The following USP10 variants were observed in gnomAD, a reference collection of about 807,000 sequenced individuals.
The protein encoded by USP10 is ubiquitin specific peptidase 10, also known as ubiquitin carboxyl-terminal hydrolase 10.
USP10 carries 22 observed loss-of-function variants against 84.5 expected under a neutral mutation model. The observed-to-expected ratio is 0.26, with a 90% CI of 0.19 to 0.37. The LOEUF is 0.37. Ranked by LOEUF, USP10 falls within the 10% of genes least tolerant of loss-of-function variation. The probability of loss-of-function intolerance (pLI) is 1.00; values close to 1 mark genes in which losing one functional copy is unlikely to be tolerated. For missense variants in USP10, 1,019 were observed against 998.9 expected, an observed-to-expected ratio of 1.02 and a Z score of -0.27; for synonymous variants, 454 against 387.6, an observed-to-expected ratio of 1.17 and a Z score of -2.01.
chr16:84,772,828 T>C (rs1209338130), intron 12 of USP10, 143 bp downstream of exon 12: 2 of 1,102,910 alleles, frequency 1.8e-6, no homozygotes, highest in Non-Finnish European at 2.5e-6. Context: ...TCTTGACTTG[T>C]AATAGACCTT....
intron 1 of USP10, among the ~76,000 whole-genome samples, chr16:84,713,152 T>C (rs975443188): frequency 3.3e-5 from 5 of 152,214 alleles, no homozygotes; most frequent in African/African-American, 9.6e-5. Flanking sequence ...TCCCCCACCT[T>C]TGTGACCTTA....
At chr16:84,734,476 A>C (rs1909639716) in intron 2 of USP10, among the ~76,000 whole-genome samples, 1 of 152,180 alleles carries the variant, frequency 6.6e-6, no homozygotes, top group South Asian at 2.1e-4. Context: ...TTTTAAATCA[A>C]GTAGCTTGTC....
intron 2 of USP10, among the ~76,000 whole-genome samples, chr16:84,734,144 G>A (rs1597328823): frequency 6.6e-6 from 1 of 152,150 alleles, no homozygotes; most frequent in African/African-American, 2.4e-5. Context: ...CCTGGGAATG[G>A]AATTACTGGG....
At chr16:84,747,376 C>T (rs745481637) in intron 4 of USP10, among the ~76,000 whole-genome samples, 3 of 152,134 alleles carry the variant, frequency 2.0e-5, no homozygotes, top group African/African-American at 4.8e-5. Context: ...AAAACACATT[C>T]TTTGGGTGGC....
intron 13 of USP10, among the ~76,000 whole-genome samples, chr16:84,778,122 G>A (rs1250932554): frequency 1.4e-5 from 1 of 73,902 alleles, no homozygotes; most frequent in Non-Finnish European, 3.5e-5. Context: ...TGTGTGTTTT[G>A]TTCTGTTAAA....
chr16:84,714,576 T>A (rs1906753949), intron 1 of USP10, among the ~76,000 whole-genome samples: 1 of 152,200 alleles, frequency 6.6e-6, no homozygotes, highest in African/African-American at 2.4e-5. Flanking sequence ...AACTTAATCT[T>A]CAGCATTGTT....
rs1914866324 is a variant in USP10 at position 84,775,154 on chromosome 16, T to G, written c.2144-6T>G. On this transcript the variant is annotated splice_region_variant and splice_polypyrimidine_tract_variant and intron_variant, in intron 12 of 13. Transcript: ENST00000219473. ...TGCTTCAAGCCATTGATATTTTGTTTTCCAGAACTGCTTTCTCCAGGGGTT... is the reference window on the plus strand; with the variant it reads ...TGCTTCAAGCCATTGATATTTTGTTGTCCAGAACTGCTTTCTCCAGGGGTT... The G allele has an allele frequency of 6.2e-7, 1 of 1,613,494 alleles. No individual in the cohort carries two copies. Among genetic ancestry groups the G allele is most frequent in the African/African-American group, 1.3e-5 (1 of 74,928 alleles).
chr16:84,721,863 A>G (rs967207875), intron 1 of USP10, among the ~76,000 whole-genome samples: 3 of 152,154 alleles, frequency 2.0e-5, no homozygotes, highest in Non-Finnish European at 2.9e-5. Context: ...ACACCTGGCT[A>G]ATTTTTTGTG....
rs199654727 is a variant in USP10 at position 84,745,637 on chromosome 16, C to A, written c.1156C>A (p.Pro386Thr). 4.7e-4 allele frequency: 752 copies of A among 1,612,904 alleles called. No homozygotes were observed. Among genetic ancestry groups the A allele is most frequent in the Non-Finnish European group, 5.9e-4 (696 of 1,179,536 alleles). Residue 386 changes from proline to threonine, a missense_variant, in exon 4 of 14, where the codon CCG becomes ACG. Physicochemically the swap from Pro to Thr is conservative, Grantham distance 38 (BLOSUM62 -1). Around this residue, in one of 2 missense-constraint regions of USP10, gnomAD observed 787 missense variants for 708.8 expected, o/e 1.11. Coordinates refer to ENST00000219473, the MANE Select transcript of USP10 (RefSeq NM_005153.3). The part of the protein sequence containing the change: ...KQVEVKEGLV[P>T]VSEDPVAIKI... ...GGTTGAAGTCAAAGAAGGGCTTGTT[C>A]CGGTTTCAGAGGATCCTGTAGCCAT...
At chr16:84,752,220 A>G (rs577664229) in intron 4 of USP10, among the ~76,000 whole-genome samples, 7 of 152,108 alleles carry the variant, frequency 4.6e-5, no homozygotes, top group African/African-American at 7.2e-5. Flanking sequence ...AGCCCCACCA[A>G]CTCCTGTGAC....
At chr16:84,762,921 A>G (rs895565018) in intron 8 of USP10, 68 bp from the exon 9 acceptor site, 1 of 923,256 alleles carries the variant, frequency 1.1e-6, no homozygotes, top group Non-Finnish European at 1.7e-6. Context: ...CTTTGCAAGT[A>G]CTGCATGTCC....
chr16:84,712,443 A>C (rs911678904), intron 1 of USP10, among the ~76,000 whole-genome samples: 3 of 152,200 alleles, frequency 2.0e-5, no homozygotes, highest in East Asian at 3.9e-4. Context: ...TGCCTAGCAC[A>C]GTGGGCACTC....
intron 3 of USP10, among the ~76,000 whole-genome samples, chr16:84,741,329 G>T (rs1374802038): frequency 6.6e-6 from 1 of 152,252 alleles, no homozygotes; most frequent in East Asian, 1.9e-4. Context: ...AATGAAGCTT[G>T]AGGGACCGGG....
intron 4 of USP10, among the ~76,000 whole-genome samples, chr16:84,756,998 A>C (rs117190488): frequency 3.3e-5 from 5 of 152,342 alleles, no homozygotes; most frequent in East Asian, 1.9e-4. Flanking sequence ...ACCCAGGTTC[A>C]CAGGTCATTT....
chr16:84,738,074 C>T (rs1179333423), intron 2 of USP10, among the ~76,000 whole-genome samples: 1 of 141,778 alleles, frequency 7.1e-6, no homozygotes, highest in Non-Finnish European at 1.5e-5. Context: ...AGATGGTGAG[C>T]AGGGTTCTAA....
At chr16:84,773,358 C>T (rs1381918369) in intron 12 of USP10, among the ~76,000 whole-genome samples, 1 of 152,190 alleles carries the variant, frequency 6.6e-6, no homozygotes, top group East Asian at 1.9e-4. Flanking sequence ...AAAGAGGACA[C>T]TGGGCCTCAC....
chr16:84,722,534 C>T (rs934310108), intron 1 of USP10, among the ~76,000 whole-genome samples: 1 of 152,200 alleles, frequency 6.6e-6, no homozygotes, highest in Non-Finnish European at 1.5e-5. Flanking sequence ...GAGAATGCTT[C>T]TTCTCTGTCC....
chr16:84,775,367 C>T (rs1165230727), intron 13 of USP10, 142 bp downstream of exon 13: 4 of 737,526 alleles, frequency 5.4e-6, no homozygotes, highest in Non-Finnish European at 9.2e-6. Context: ...CGGGGAGTCA[C>T]GTGAGAGTTT....
chr16:84,721,871 G>A (rs977696447), intron 1 of USP10, among the ~76,000 whole-genome samples: 1 of 152,190 alleles, frequency 6.6e-6, no homozygotes, highest in Non-Finnish European at 1.5e-5. Flanking sequence ...CTAATTTTTT[G>A]TGTTTTCATA....
Sources: allele counts gnomAD v4.1 joint callset (sites outside exome capture counted in the v4.1 genomes callset), GRCh38; gene constraint gnomAD v4.1.1; regional missense constraint gnomAD v4.1.1; transcripts MANE v1.5; gene names NCBI Gene and HGNC (gene_info 2026-07-23, HGNC 2026-07-21).